Variants in OR51M1 observed in about 807,000 individuals in gnomAD.
OR51M1 encodes the protein olfactory receptor family 51 subfamily M member 1, also known as olfactory receptor 51M1.
For missense variants in OR51M1, 509 were observed against 404.4 expected, an observed-to-expected ratio of 1.26 and a Z score of -2.22; for synonymous variants, 199 against 155.1, an observed-to-expected ratio of 1.28 and a Z score of -2.10.
At chr11:5,385,145 T>G (rs1849667054) in intron 1 of OR51M1, among the ~76,000 whole-genome samples, 1 of 152,224 alleles carries the variant, frequency 6.6e-6, no homozygotes, top group Non-Finnish European at 1.5e-5. Flanking sequence ...TACTCTGCCT[T>G]GAATATTTTA....
rs1271916311 is a variant in OR51M1 at position 5,390,565 on chromosome 11, G to C, written c.*186G>C. On this transcript the variant is annotated 3_prime_UTR_variant, in exon 3 of 3. Transcript: ENST00000642046. ...GAACTTCTCTTGCTTAGATTTTAAT[G>C]GCTCCTCCTACAGCTGAGAACTGGC... The C allele has an allele frequency of 3.1e-5, 18 of 579,258 alleles. No individual in the cohort carries two copies. The South Asian group carries it at 4.5e-4, about 15-fold the overall frequency. The allele number at this position is 579,258 out of a possible 1,614,324, so 35.9% of individuals were successfully genotyped here.
At chr11:5,385,919 A>G (rs1035605903) in intron 2 of OR51M1, among the ~76,000 whole-genome samples, 2 of 148,178 alleles carry the variant, frequency 1.3e-5, no homozygotes, top group Non-Finnish European at 3.0e-5. Context: ...ACATATGTGT[A>G]CTTATATGGA....
rs561300944 is a variant in OR51M1, at chr11:5,392,255, C to T, written c.*1876C>T. 1 of 152,198 alleles carries T rather than the reference C, an allele frequency of 6.6e-6. No individual in the cohort carries two copies. The highest frequency in any genetic ancestry group is 6.5e-5 in the Admixed American group (1 of 15,284). The allele number at this position is 152,198 out of a possible 1,614,324, so 9.4% of individuals were successfully genotyped here. A position where few individuals can be genotyped will look rare whatever the true frequency, so the allele number is the denominator to read the frequency against. On this transcript the variant is annotated 3_prime_UTR_variant, in exon 3 of 3. Coordinates refer to ENST00000642046, the MANE Select transcript of OR51M1 (RefSeq NM_001004756.3). ...CCAGCAGTTTCTGCAGCCTTACAGG[C>T]TGGCACTCCTTAAACATAGGTTCCA...
chr11:5,387,010 G>T (rs533591359), intron 2 of OR51M1, among the ~76,000 whole-genome samples: 2 of 152,212 alleles, frequency 1.3e-5, no homozygotes, highest in East Asian at 3.9e-4. Flanking sequence ...AGAAACTCAG[G>T]CCTGATATGT....
In OR51M1 at chr11:5,389,701, C is replaced by A. The variant is rs1225039025; in HGVS notation, c.303C>A (p.Ser101=). 1.9e-6 allele frequency: 3 copies of A among 1,613,790 alleles called. No homozygotes were observed. The South Asian group carries it at 3.3e-5, about 18-fold the overall frequency. ...PTTMGIFWFN[S]HSIYFGACQI... ...CTATGGGGATCTTCTGGTTTAACTC[C>A]CATAGTATCTACTTTGGAGCGTGTC... Residue 101 remains serine, a synonymous_variant, in exon 3 of 3, where the codon TCC becomes TCA. Coordinates refer to ENST00000642046, the MANE Select transcript of OR51M1 (RefSeq NM_001004756.3).
intron 2 of OR51M1, among the ~76,000 whole-genome samples, chr11:5,388,732 A>G (rs574232473): frequency 6.6e-6 from 1 of 152,174 alleles, no homozygotes; most frequent in South Asian, 2.1e-4. Flanking sequence ...CTTGCTATAT[A>G]GTAGTCAACT....
chr11:5,387,194 A>G (rs1013852946), intron 2 of OR51M1, among the ~76,000 whole-genome samples: 1 of 152,204 alleles, frequency 6.6e-6, no homozygotes, highest in Non-Finnish European at 1.5e-5. Flanking sequence ...CACAAAAATC[A>G]GAAGAGAACC....
At position 5,390,418 on chromosome 11, in the gene OR51M1, G is replaced by A; in HGVS notation, c.*39G>A. ...AACTCCCCCTAGAGGCCTATAAGAA[G>A]GCCCCAAATTGGACTGAAAATTTGG... On this transcript the variant is annotated 3_prime_UTR_variant, in exon 3 of 3. Transcript: ENST00000642046. 2.7e-6 allele frequency: 4 copies of A among 1,503,312 alleles called. No individual in the cohort carries two copies. The highest frequency in any genetic ancestry group is 3.6e-6 in the Non-Finnish European group (4 of 1,122,270). 93.1% of individuals were successfully genotyped at this position (1,503,312 alleles called of 1,614,324 possible). A position where few individuals can be genotyped will look rare whatever the true frequency, so the allele number is the denominator to read the frequency against.
rs868041924 is a variant in OR51M1, at chr11:5,390,312, G to A, written c.914G>A (p.Ser305Asn). The A allele has an allele frequency of 6.2e-7, 1 of 1,613,554 alleles. No individual in the cohort carries two copies. The highest frequency in any genetic ancestry group is 8.5e-7 in the Non-Finnish European group (1 of 1,179,680). Residue 305 changes from serine to asparagine, a missense_variant, in exon 3 of 3, where the codon AGC (serine) becomes AAC (asparagine). By Grantham distance (46) the Ser-to-Asn change is conservative. Transcript: ENST00000642046. ...CCCATGCTTAACCCAATCATATACAGCATTAAGACCAAGGAGATCCACCGT... is the reference window on the plus strand; with the variant it reads ...CCCATGCTTAACCCAATCATATACAACATTAAGACCAAGGAGATCCACCGT... ...VPPMLNPIIYSIKTKEIHRAI... is the reference protein window; with the variant it reads ...VPPMLNPIIYNIKTKEIHRAI...
chr11:5,387,866 T>C (rs1306107386), intron 2 of OR51M1, among the ~76,000 whole-genome samples: 1 of 152,180 alleles, frequency 6.6e-6, no homozygotes, highest in African/African-American at 2.4e-5. Context: ...TGCTCCCTAC[T>C]TCTTTATTGC....
chr11:5,392,861 G>C lies in OR51M1; in HGVS notation c.*2482G>C, dbSNP rs903123334. On this transcript the variant is annotated 3_prime_UTR_variant, in exon 3 of 3. Transcript: ENST00000642046. The stretch of plus-strand genomic sequence containing the variant: ...CAGGAGGTGGAGCTTGCAGTGAGCC[G>C]AGATCGTGCCACTGCACTCCAGCCT... 1.3e-5 allele frequency: 2 copies of C among 152,114 alleles called. No individual in the cohort carries two copies. Among genetic ancestry groups the C allele is most frequent in the African/African-American group, 2.4e-5 (1 of 41,408 alleles). 9.4% of individuals were successfully genotyped at this position (152,114 alleles called of 1,614,324 possible). A position where few individuals can be genotyped will look rare whatever the true frequency, so the allele number is the denominator to read the frequency against.
In OR51M1 at chr11:5,389,455, G is replaced by A; in HGVS notation, c.57G>A (p.Gln19=). 6.2e-7 allele frequency: 1 copy of A among 1,613,906 alleles called. No homozygotes were observed. The highest frequency in any genetic ancestry group is 8.5e-7 in the Non-Finnish European group (1 of 1,179,822). ...PQFMLLSNIT[Q]FSPIFYLTSF... Reference sequence around the variant, plus strand: ...TCATGCTGCTATCCAACATTACTCAGTTTAGCCCCATATTCTATCTCACCA... The same window carrying A: ...TCATGCTGCTATCCAACATTACTCAATTTAGCCCCATATTCTATCTCACCA... Residue 19 remains glutamine, a synonymous_variant, in exon 3 of 3, where the codon CAG becomes CAA. Coordinates refer to ENST00000642046, the MANE Select transcript of OR51M1 (RefSeq NM_001004756.3).
At position 5,390,696 on chromosome 11, in the gene OR51M1, A is replaced by C; in HGVS notation, c.*317A>C. On this transcript the variant is annotated 3_prime_UTR_variant, in exon 3 of 3. Coordinates refer to ENST00000642046, the MANE Select transcript of OR51M1 (RefSeq NM_001004756.3). The stretch of plus-strand genomic sequence containing the variant: ...AAATAAAAACTAAAAAGAACAATAA[A>C]TACCAGAGCACCCAGAGGAGAGCCT... 7.9e-6 allele frequency: 2 copies of C among 252,218 alleles called. No individual in the cohort carries two copies. Among genetic ancestry groups the C allele is most frequent in the Non-Finnish European group, 1.5e-5 (2 of 131,664 alleles). The allele number at this position is 252,218 out of a possible 1,614,324, so 15.6% of individuals were successfully genotyped here. A position where few individuals can be genotyped will look rare whatever the true frequency, so the allele number is the denominator to read the frequency against.
At position 5,390,448 on chromosome 11, in the gene OR51M1, T is replaced by C. The variant is rs11828284; in HGVS notation, c.*69T>C. On this transcript the variant is annotated 3_prime_UTR_variant, in exon 3 of 3. Coordinates refer to ENST00000642046, the MANE Select transcript of OR51M1 (RefSeq NM_001004756.3). ...CAAATTGGACTGAAAATTTGGAGTA[T>C]TGAGTATATAGCATGCTCTTAAAGA... The C allele has an allele frequency of 6.7e-5, 90 of 1,336,512 alleles. No individual in the cohort carries two copies. Among genetic ancestry groups the C allele is most frequent in the South Asian group, 8.9e-5 (6 of 67,422 alleles). 82.8% of individuals were successfully genotyped at this position (1,336,512 alleles called of 1,614,324 possible). A position where few individuals can be genotyped will look rare whatever the true frequency, so the allele number is the denominator to read the frequency against.
In OR51M1 at chr11:5,390,458, A is replaced by G. The variant is rs921102224; in HGVS notation, c.*79A>G. 6 of 1,235,642 alleles carry G rather than the reference A, an allele frequency of 4.9e-6. No individual in the cohort carries two copies. In the East Asian group the frequency reaches 1.5e-4, roughly 32 times the overall value. 76.5% of individuals were successfully genotyped at this position (1,235,642 alleles called of 1,614,324 possible). Reference sequence around the variant, plus strand: ...TGAAAATTTGGAGTATTGAGTATATAGCATGCTCTTAAAGATTTTTTGCCC... The same window carrying G: ...TGAAAATTTGGAGTATTGAGTATATGGCATGCTCTTAAAGATTTTTTGCCC... On this transcript the variant is annotated 3_prime_UTR_variant, in exon 3 of 3. Transcript: ENST00000642046.
In OR51M1 at chr11:5,389,755, T is replaced by C. The variant is rs749819109; in HGVS notation, c.357T>C (p.Phe119=). Residue 119 remains phenylalanine (F), a synonymous_variant, in exon 3 of 3, where the codon TTT becomes TTC. Transcript: ENST00000642046. Reference sequence around the variant, plus strand: ...TCCAGATGTTCTGCATCCACTCTTTTTCCTTCATGGAGTCCTCAGTGCTCC... The same window carrying C: ...TCCAGATGTTCTGCATCCACTCTTTCTCCTTCATGGAGTCCTCAGTGCTCC... ...CQIQMFCIHS[F]SFMESSVLLM... 4.3e-6 allele frequency: 7 copies of C among 1,613,994 alleles called. No homozygotes were observed. The South Asian group carries it at 7.7e-5, about 18-fold the overall frequency.
intron 2 of OR51M1, among the ~76,000 whole-genome samples, chr11:5,388,280 T>C (rs952658405): frequency 6.6e-6 from 1 of 151,872 alleles, no homozygotes; most frequent in African/African-American, 2.4e-5. Context: ...CCACAAGGAA[T>C]TCACATTATA....
chr11:5,387,501 C>T (rs1849714970), intron 2 of OR51M1, among the ~76,000 whole-genome samples: 1 of 152,180 alleles, frequency 6.6e-6, no homozygotes, highest in East Asian at 1.9e-4. Context: ...TATATCCATG[C>T]AGCACCTCTG....
intron 2 of OR51M1, among the ~76,000 whole-genome samples, chr11:5,388,602 C>A (rs1589968992): frequency 6.8e-6 from 1 of 147,860 alleles, no homozygotes; most frequent in African/African-American, 2.5e-5. Flanking sequence ...CGTGAATATA[C>A]AGAGGAAATT....
Sources: allele counts gnomAD v4.1 joint callset (sites outside exome capture counted in the v4.1 genomes callset), GRCh38; gene constraint gnomAD v4.1.1; transcripts MANE v1.5; gene names NCBI Gene and HGNC (gene_info 2026-07-23, HGNC 2026-07-21).